PAX2: variants seen among roughly 807,000 people sequenced by gnomAD.
The protein encoded by PAX2 is paired box 2, also known as paired box protein Pax-2.
Under a neutral mutation model 41.7 loss-of-function variants are expected in PAX2, and 9 were observed. The ratio of observed to expected loss-of-function variants is 0.22; its 90% CI spans 0.13 to 0.38. The LOEUF is 0.38. Ranked by LOEUF, PAX2 falls within the 10% of genes least tolerant of loss-of-function variation. The probability of loss-of-function intolerance (pLI) is 1.00; values close to 1 mark genes in which losing one functional copy is unlikely to be tolerated. For synonymous variants in PAX2, 221 were observed against 212.7 expected, an observed-to-expected ratio of 1.04 and a Z score of -0.34; for missense variants, 418 against 531.6, an observed-to-expected ratio of 0.79 and a Z score of 2.10.
Position 100,810,442 on chromosome 10 carries a change from T to C in PAX2, c.919+1206T>C, listed in dbSNP as rs79719567. On this transcript the variant is annotated intron_variant, in intron 7 of 9. Transcript: ENST00000355243. ...GGAGTCAGAGGTTGAATTCTAGAAG[T>C]GTTGGAGACCTGGACTGGGCTTTCG... Among the ~76,000 whole-genome samples, 618 of 152,220 alleles carry C rather than the reference T, an allele frequency of 4.1e-3. 18 individuals are homozygous for C. In the East Asian group the frequency reaches 0.064, roughly 16 times the overall value.
In PAX2 at chr10:100,787,739, C is replaced by T. The variant is rs540384791; in HGVS notation, c.616+6374C>T. ...TTCCAAAGGCACCCCCTCATGTGAT[C>T]GGGCACTGGCTGGGGTTGGGTGGGG... On this transcript the variant is annotated intron_variant, in intron 5 of 9. Transcript: ENST00000355243. Among the ~76,000 whole-genome samples, 6 of 152,036 alleles carry T rather than the reference C, an allele frequency of 3.9e-5. No homozygotes were observed. In the South Asian group the frequency reaches 1.0e-3, roughly 26 times the overall value.
chr10:100,736,545 G>A (rs980579043), intron 1 of PAX2, among the ~76,000 whole-genome samples: 2 of 151,998 alleles, frequency 1.3e-5, no homozygotes, highest in African/African-American at 4.8e-5. Flanking sequence ...CTAATTTGAG[G>A]CCTTTTTTGC....
intron 3 of PAX2, among the ~76,000 whole-genome samples, chr10:100,755,185 C>T (rs1360371841): frequency 6.6e-6 from 1 of 152,226 alleles, no homozygotes; most frequent in Non-Finnish European, 1.5e-5. Context: ...AGTTGTCCTC[C>T]TGAAAAGCCT....
rs552160438 is a variant in PAX2, at chr10:100,748,790, G to C, written c.44-956G>C. 3.0e-6 allele frequency: 3 copies of C among 985,406 alleles called. No homozygotes were observed. Among genetic ancestry groups the C allele is most frequent in the South Asian group, 4.7e-5 (1 of 21,296 alleles). The allele number at this position is 985,406 out of a possible 1,614,324, so 61.0% of individuals were successfully genotyped here. On this transcript the variant is annotated intron_variant, in intron 1 of 9. Coordinates refer to ENST00000355243, the MANE Select transcript of PAX2 (RefSeq NM_000278.5). The surrounding 1 kb of genome is among the most constrained non-coding windows in gnomAD (Gnocchi z 5.0). The stretch of plus-strand genomic sequence containing the variant: ...CCCGAGCCGCTCGGTTTCCTGGGGG[G>C]GCTGCCGAGGTCTGAGGGGTCAAAG...
intron 7 of PAX2, among the ~76,000 whole-genome samples, chr10:100,819,167 G>T (rs1848290616): frequency 6.6e-6 from 1 of 151,834 alleles, no homozygotes; most frequent in East Asian, 1.9e-4. Flanking sequence ...AGAATCACTT[G>T]AACCTGGGAG....
At chr10:100,765,981 C>A (rs574474388) in intron 3 of PAX2, among the ~76,000 whole-genome samples, 2 of 152,004 alleles carry the variant, frequency 1.3e-5, no homozygotes. Flanking sequence ...CAGTAGGAAC[C>A]GTTACAAGCA....
intron 7 of PAX2, among the ~76,000 whole-genome samples, chr10:100,821,697 G>A (rs138137818): frequency 1.1e-4 from 16 of 152,330 alleles, no homozygotes; most frequent in African/African-American, 3.4e-4. Context: ...CCTGAAGTGA[G>A]GTAGGAGATT....
chr10:100,782,978 C>G (rs1197556868), intron 5 of PAX2, among the ~76,000 whole-genome samples: 1 of 152,190 alleles, frequency 6.6e-6, no homozygotes, highest in African/African-American at 2.4e-5. Context: ...CCACAGATAC[C>G]CCTCTGTACT....
chr10:100,793,121 C>T (rs1847191329), intron 5 of PAX2, among the ~76,000 whole-genome samples: 1 of 152,202 alleles, frequency 6.6e-6, no homozygotes, highest in African/African-American at 2.4e-5. Flanking sequence ...CTGGTTCTGG[C>T]CCCTGCTGGA....
upstream of PAX2, among the ~76,000 whole-genome samples, chr10:100,743,121 G>A (rs974254643): frequency 7.2e-5 from 11 of 151,932 alleles, no homozygotes; most frequent in African/African-American, 2.2e-4. Context: ...CCGGCCTGGC[G>A]GAAGAGTGAG....
At chr10:100,757,065 C>T (rs1425309441) in intron 3 of PAX2, among the ~76,000 whole-genome samples, 1 of 152,242 alleles carries the variant, frequency 6.6e-6, no homozygotes, top group Admixed American at 6.5e-5. Context: ...TCTTGTGGAA[C>T]AGGCTATTTG....
At chr10:100,747,134 T>A (rs1342963344) in intron 1 of PAX2, 2 of 152,164 alleles carry the variant, frequency 1.3e-5, no homozygotes, top group Non-Finnish European at 2.9e-5. Flanking sequence ...GCCTTCCAGG[T>A]GGGCCCCCGG....
intron 5 of PAX2, among the ~76,000 whole-genome samples, chr10:100,798,732 G>A (rs921974476): frequency 5.3e-5 from 8 of 150,970 alleles, no homozygotes; most frequent in Admixed American, 4.6e-4. Context: ...ACTCTCCCTT[G>A]TGACTCCCCC....
At chr10:100,753,447 G>A (rs1564708559) in intron 3 of PAX2, among the ~76,000 whole-genome samples, 1 of 152,224 alleles carries the variant, frequency 6.6e-6, no homozygotes, top group Non-Finnish European at 1.5e-5. Context: ...GCTAGTGCTG[G>A]TTATATCAGA....
At chr10:100,786,854 G>A in intron 5 of PAX2, 1 of 710,408 alleles carries the variant, frequency 1.4e-6, no homozygotes, top group Non-Finnish European at 2.3e-6. Flanking sequence ...GGGGAGTCTG[G>A]TCTCCCGATC....
intron 5 of PAX2, among the ~76,000 whole-genome samples, chr10:100,799,772 C>T (rs1384692782): frequency 5.4e-5 from 8 of 148,304 alleles, no homozygotes; most frequent in Non-Finnish European, 8.9e-5. Context: ...GCTTAGAAAA[C>T]TGAAGTTAGT....
At chr10:100,744,747 CG>C (rs1166784082), upstream of PAX2, among the ~76,000 whole-genome samples, 3 of 152,248 alleles carry the variant, frequency 2.0e-5, no homozygotes, top group Admixed American at 2.0e-4. Context: ...CCAAGTCCCC[CG>C]GCTCTCCCGC....
intron 7 of PAX2, among the ~76,000 whole-genome samples, chr10:100,820,456 T>C (rs943542106): frequency 6.6e-6 from 1 of 152,232 alleles, no homozygotes; most frequent in Admixed American, 6.5e-5. Flanking sequence ...CGGTGGCTTA[T>C]GCCTGTAATC....
intron 5 of PAX2, among the ~76,000 whole-genome samples, chr10:100,801,348 ACAGT>A (rs1847556758): frequency 6.6e-6 from 1 of 152,266 alleles, no homozygotes; most frequent in Non-Finnish European, 1.5e-5. Context: ...CAAATAGGAA[ACAGT>A]CAGATAAGAA....
Sources: allele counts gnomAD v4.1 joint callset (sites outside exome capture counted in the v4.1 genomes callset), GRCh38; gene constraint gnomAD v4.1.1; non-coding constraint Gnocchi (gnomAD v3.1); transcripts MANE v1.5; gene names NCBI Gene and HGNC (gene_info 2026-07-23, HGNC 2026-07-21).